Variants in PXN observed in about 807,000 individuals in gnomAD.
PXN encodes the protein paxillin, also known as testicular tissue protein Li 134.
PXN carries 61 observed loss-of-function variants against 103.6 expected under a neutral mutation model. The observed-to-expected ratio is 0.59, with a 90% confidence interval of 0.48 to 0.73. The LOEUF is 0.73. PXN is among the 30% of genes least tolerant of loss of function. The pLI, the probability that PXN is intolerant of heterozygous loss-of-function variation, is 0.00. For synonymous variants in PXN, 562 were observed against 607.8 expected (o/e 0.92, Z 1.11); for missense variants, 1,274 against 1,460.3 (o/e 0.87, Z 2.08).
intron 1 of PXN, among the ~76,000 whole-genome samples, chr12:120,243,545 C>T (rs376397184): frequency 2.0e-5 from 3 of 152,204 alleles, no homozygotes; most frequent in South Asian, 2.1e-4. Context: ...TTTAAAAATT[C>T]GCCAGGTGCT....
Position 120,219,363 on chromosome 12 carries a change from T to TC in PXN, c.1559dup (p.Ser521LysfsTer10), listed in dbSNP as rs748041892. The TC allele has an allele frequency of 1.3e-6, 2 of 1,598,402 alleles. No individual in the cohort carries two copies. The highest frequency in any genetic ancestry group is 1.7e-6 in the Non-Finnish European group (2 of 1,179,802). On this transcript the variant is annotated frameshift_variant, in exon 7 of 15. Coordinates refer to ENST00000637617, the MANE Select transcript of PXN (RefSeq NM_001385981.1). LOFTEE classifies it high-confidence loss of function. The surrounding 1 kb of genome is among the most constrained non-coding windows in gnomAD (Gnocchi z 6.5). ...GTCCCTGGGTTGGCCTGGCCACACT[T>TC]CCCCTCTCGGTCATCTTTGCACCTA... is the stretch of plus-strand genomic sequence containing the variant.
At chr12:120,254,225 G>A (rs972578997) in intron 1 of PXN, among the ~76,000 whole-genome samples, 4 of 152,138 alleles carry the variant, frequency 2.6e-5, no homozygotes, top group Admixed American at 2.6e-4. Context: ...TACAGAGATC[G>A]AGAATGAAAC....
At chr12:120,260,339 G>A (rs1429862183) in intron 1 of PXN, among the ~76,000 whole-genome samples, 2 of 152,046 alleles carry the variant, frequency 1.3e-5, no homozygotes, top group East Asian at 1.9e-4. Flanking sequence ...GAGAAACTCC[G>A]TCTCTACTAA....
At chr12:120,250,279 T>G in intron 1 of PXN, 2 of 802,106 alleles carry the variant, frequency 2.5e-6, no homozygotes, top group Non-Finnish European at 3.0e-6. Context: ...TCTGAGCCAC[T>G]TCAAACCTCC....
rs542629102 is a variant in PXN at position 120,256,804 on chromosome 12, G to A, written c.13+8813C>T. 3.4e-3 allele frequency among the ~76,000 whole-genome samples: 520 copies of A among 152,150 alleles called. 5 individuals carry two copies. Among genetic ancestry groups the A allele is most frequent in the African/African-American group, 0.012 (492 of 41,514 alleles). On this transcript the variant is annotated intron_variant, in intron 1 of 14. Transcript: ENST00000637617. ...CTGATCTTGGCTCACCGCAACCTCC[G>A]CCTCCCAGGTTCAAGGAATTCTCCT...
rs1203825495 is a variant in PXN at position 120,212,535 on chromosome 12, C to T, written c.3025G>A (p.Gly1009Arg). 9 of 1,613,480 alleles carry T rather than the reference C, an allele frequency of 5.6e-6. No homozygotes were observed. Among genetic ancestry groups the T allele is most frequent in the African/African-American group, 4.0e-5 (3 of 74,924 alleles). The change falls in exon 15 of 15, where the codon GGG becomes AGG. Residue 1009 changes from glycine to arginine, a missense_variant. Gly to Arg is a moderately radical substitution (Grantham distance 125). Coordinates refer to ENST00000637617, the MANE Select transcript of PXN (RefSeq NM_001385981.1). This position sits in a 1 kb window ranked among gnomAD's most constrained non-coding sequence, Gnocchi z 7.2. ...FVNGSFFEHD[G>R]QPYCEVHYHE... is the part of the protein sequence containing the mutation. ...TAGTGCACCTCACAGTAGGGCTGCC[C>T]GTCGTGCTCGAAGAAGCTGCCGTTC...
Position 120,219,361 on chromosome 12 carries a change from C to A in PXN, c.1562G>T (p.Ser521Ile). The A allele has an allele frequency of 6.3e-7, 1 of 1,598,468 alleles. No homozygotes were observed. The highest frequency in any genetic ancestry group is 1.1e-5 in the South Asian group (1 of 91,080). Residue 521 changes from serine (S) to isoleucine (I), a missense_variant, in exon 7 of 15, where the codon AGT (serine) becomes ATT (isoleucine). Ser to Ile is a moderately radical substitution (Grantham distance 142, BLOSUM62 -2). Coordinates refer to ENST00000637617, the MANE Select transcript of PXN (RefSeq NM_001385981.1). This position sits in a 1 kb window ranked among gnomAD's most constrained non-coding sequence, Gnocchi z 6.5. The part of the protein sequence containing the change: ...QLGAKMTERG[S>I]VARPTQGPET... ...AGGTCCCTGGGTTGGCCTGGCCACA[C>A]TTCCCCTCTCGGTCATCTTTGCACC...
At chr12:120,226,391 A>G in intron 1 of PXN, 1 of 1,289,234 alleles carries the variant, frequency 7.8e-7, no homozygotes, top group Non-Finnish European at 1.0e-6. Flanking sequence ...ACCAGCACAG[A>G]TGGTATAACT....
chr12:120,225,650 A>G lies in PXN; in HGVS notation c.14-1273T>C, dbSNP rs1235277310. Among the ~76,000 whole-genome samples the G allele has an allele frequency of 6.6e-6, 1 of 152,158 alleles. No individual in the cohort carries two copies. ...GACTCCTCAGAAGCCCCAAACCCCA[A>G]AAACCTGGCCTGTAAGAGGCCACTA... is the stretch of plus-strand genomic sequence containing the variant. On this transcript the variant is annotated intron_variant, in intron 1 of 14. Coordinates refer to ENST00000637617, the MANE Select transcript of PXN (RefSeq NM_001385981.1). This position sits in a 1 kb window ranked among gnomAD's most constrained non-coding sequence, Gnocchi z 4.4.
rs372866217 is a variant in PXN, at chr12:120,213,957, C to T, written c.2864G>A (p.Arg955His). Reference protein sequence around the residue: ...FHEKDGKAYCRKDYFDMFAPK... With the variant: ...FHEKDGKAYCHKDYFDMFAPK... ...TGCGAACATGTCGAAGTAGTCCTTG[C>T]GACAGTAGGCCTTGCCGTCCTTCTC... is the stretch of plus-strand genomic sequence containing the variant. The change falls in exon 14 of 15, where the codon CGC (arginine) becomes CAC (histidine). Residue 955 changes from arginine (R) to histidine (H), a missense_variant. Physicochemically the swap from Arg to His is conservative, Grantham distance 29 (BLOSUM62 0). This residue lies in a region of PXN where 1,178 missense variants were observed against 1,309.0 expected (regional missense o/e 0.90). Coordinates refer to ENST00000637617, the MANE Select transcript of PXN (RefSeq NM_001385981.1). This position sits in a 1 kb window ranked among gnomAD's most constrained non-coding sequence, Gnocchi z 4.2. The T allele has an allele frequency of 8.7e-6, 14 of 1,612,562 alleles. No homozygotes were observed. The highest frequency in any genetic ancestry group is 1.7e-4 in the Middle Eastern group (1 of 6,060).
rs1170191723 is a variant in PXN, at chr12:120,265,022, C to T, written c.13+595G>A. On this transcript the variant is annotated intron_variant, in intron 1 of 14. Transcript: ENST00000637617. This position sits in a 1 kb window ranked among gnomAD's most constrained non-coding sequence, Gnocchi z 5.7. ...TTGAAATGGGGGTGTGGTCATCACA[C>T]GCTCATCTCTAGCTTTTGCATCTGA... Among the ~76,000 whole-genome samples the T allele has an allele frequency of 1.3e-5, 2 of 151,864 alleles. No individual in the cohort carries two copies. The highest frequency in any genetic ancestry group is 2.9e-5 in the Non-Finnish European group (2 of 67,994).
rs1415472848 is a variant in PXN, at chr12:120,221,008, C to G, written c.831+615G>C. On this transcript the variant is annotated intron_variant, in intron 6 of 14. Transcript: ENST00000637617. The surrounding 1 kb of genome is among the most constrained non-coding windows in gnomAD (Gnocchi z 6.6). ...TCAGGCCTGGCAGGACTGGGGAGGC[C>G]CAGCAGGGGAGGGGAAGGGCAGGTA... 6.6e-6 allele frequency among the ~76,000 whole-genome samples: 1 copy of G among 152,164 alleles called. No homozygotes were observed. The highest frequency in any genetic ancestry group is 2.1e-4 in the South Asian group (1 of 4,828).
chr12:120,263,708 A>C lies in PXN; in HGVS notation c.13+1909T>G, dbSNP rs1038510148. On this transcript the variant is annotated intron_variant, in intron 1 of 14. Coordinates refer to ENST00000637617, the MANE Select transcript of PXN (RefSeq NM_001385981.1). ...GATATCACAAATCGAGGTAGAGGGA[A>C]GTACTCCACAAACAGCAATTTAAAT... Among the ~76,000 whole-genome samples, 3 of 152,328 alleles carry C rather than the reference A, an allele frequency of 2.0e-5. No individual in the cohort carries two copies. The South Asian group carries it at 6.2e-4, about 32-fold the overall frequency.
rs758443158 is a variant in PXN, at chr12:120,222,634, G to A, written c.610C>T (p.Arg204Trp). 13 of 1,609,450 alleles carry A rather than the reference G, an allele frequency of 8.1e-6. No individual in the cohort carries two copies. The highest frequency in any genetic ancestry group is 1.6e-4 in the Middle Eastern group (1 of 6,074). The part of the protein sequence containing the change: ...AGPLTKEKPK[R>W]NGGRGLEDVR... ...TCCTCCAGGCCCCGGCCCCCATTCC[G>A]CTTAGGCTTCTCTTTCGTCAGGGGC... Residue 204 changes from arginine (R) to tryptophan (W), a missense_variant, in exon 5 of 15, where the codon CGG (arginine) becomes TGG (tryptophan). Around this residue, in one of 2 missense-constraint regions of PXN, gnomAD observed 1,178 missense variants for 1,309.0 expected, o/e 0.90. Coordinates refer to ENST00000637617, the MANE Select transcript of PXN (RefSeq NM_001385981.1). The surrounding 1 kb of genome is among the most constrained non-coding windows in gnomAD (Gnocchi z 4.7).
intron 1 of PXN, among the ~76,000 whole-genome samples, chr12:120,254,387 T>C (rs1892679320): frequency 6.6e-6 from 1 of 152,180 alleles, no homozygotes; most frequent in African/African-American, 2.4e-5. Flanking sequence ...GGATTTTTGT[T>C]ACATAAGTAG....
At position 120,219,844 on chromosome 12, in the gene PXN, G is replaced by C. The variant is rs1360648879; in HGVS notation, c.1079C>G (p.Thr360Ser). The C allele has an allele frequency of 3.8e-6, 6 of 1,598,320 alleles. No homozygotes were observed. Among genetic ancestry groups the C allele is most frequent in the Non-Finnish European group, 5.1e-6 (6 of 1,179,812 alleles). ...CACAGAGGGAGACCTTGAGTTGAAGGTGTCAGGCATCACCCCAAGACCAGC... is the reference window on the plus strand; with the variant it reads ...CACAGAGGGAGACCTTGAGTTGAAGCTGTCAGGCATCACCCCAAGACCAGC... ...DLAGLGVMPD[T>S]FNSRSPSVEG... Residue 360 changes from threonine to serine, a missense_variant, in exon 7 of 15, where the codon ACC becomes AGC. Coordinates refer to ENST00000637617, the MANE Select transcript of PXN (RefSeq NM_001385981.1). The surrounding 1 kb of genome is among the most constrained non-coding windows in gnomAD (Gnocchi z 6.5).
chr12:120,224,271 G>A lies in PXN; in HGVS notation c.120C>T (p.Tyr40=), dbSNP rs1886155755. 1.9e-6 allele frequency: 3 copies of A among 1,613,678 alleles called. No individual in the cohort carries two copies. Among genetic ancestry groups the A allele is most frequent in the East Asian group, 4.5e-5 (2 of 44,878 alleles). The change falls in exon 2 of 15, where the codon TAC becomes TAT. Residue 40 remains tyrosine, a synonymous_variant. Coordinates refer to ENST00000637617, the MANE Select transcript of PXN (RefSeq NM_001385981.1). This position sits in a 1 kb window ranked among gnomAD's most constrained non-coding sequence, Gnocchi z 5.0. The part of the protein sequence containing the change: ...PYSYPTGNHT[Y]QEIAVPPPVP... ...CGGGGGGTGGCACGGCAATCTCCTG[G>A]TATGTGTGGTTTCCAGTTGGGTATG...
chr12:120,240,809 A>C (rs889236927), intron 1 of PXN, among the ~76,000 whole-genome samples: 2 of 151,808 alleles, frequency 1.3e-5, no homozygotes, highest in Non-Finnish European at 1.5e-5. Flanking sequence ...ACACTAACCC[A>C]CCCAGGACTG....
At chr12:120,218,295 C>A in intron 7 of PXN, among the ~76,000 whole-genome samples, 1 of 152,166 alleles carries the variant, frequency 6.6e-6, no homozygotes, top group Non-Finnish European at 1.5e-5. Context: ...CCTCTTGCCT[C>A]AGCCTCCCAA....
Sources: gnomAD v4.1 joint callset for allele counts (sites outside exome capture counted in the v4.1 genomes callset) on GRCh38, gnomAD v4.1.1 for gene constraint, gnomAD v4.1.1 regional missense constraint, Gnocchi (gnomAD v3.1) non-coding constraint, MANE v1.5 for transcripts, NCBI Gene and HGNC (gene_info 2026-07-23, HGNC 2026-07-21) for gene names.